NCBP3: variants seen among roughly 807,000 people sequenced by gnomAD.
NCBP3 encodes nuclear cap binding subunit 3.
Under a neutral mutation model 75.7 loss-of-function variants are expected in NCBP3, and 20 were observed. The observed-to-expected ratio is 0.26, with a 90% CI of 0.19 to 0.38. NCBP3 has a LOEUF of 0.38. Ranked by LOEUF, NCBP3 falls within the 10% of genes least tolerant of loss-of-function variation. The pLI is 1.00. For synonymous variants in NCBP3, 293 were observed against 290.5 expected (o/e 1.01, Z -0.09); for missense variants, 678 against 796.9 (o/e 0.85, Z 1.80).
At position 3,824,999 on chromosome 17, in the gene NCBP3, G is replaced by T; in HGVS notation, c.739C>A (p.Arg247Ser). 6.5e-7 allele frequency: 1 copy of T among 1,546,138 alleles called. No individual in the cohort carries two copies. The change falls in exon 7 of 13, where the codon CGT (arginine) becomes AGT (serine). Residue 247 changes from arginine to serine, a missense_variant. Arg to Ser is a moderately radical substitution (Grantham distance 110). Coordinates refer to ENST00000389005, the MANE Select transcript of NCBP3 (RefSeq NM_001114118.3). ...EEESLLRNDL[R>S]PANKLAKGNR... ...CCTTTAGCAAGTTTGTTAGCTGGAC[G>T]AAGATCGTTTCTTAACAAAGACTCC... is the stretch of plus-strand genomic sequence containing the variant.
chr17:3,828,816 A>G (rs2143681210), intron 4 of NCBP3, among the ~76,000 whole-genome samples: 1 of 152,262 alleles, frequency 6.6e-6, no homozygotes, highest in South Asian at 2.1e-4. Context: ...ATTCTGGTCT[A>G]TCTCTAGGTC....
rs565291548 is a variant in NCBP3, at chr17:3,842,406, C to T, written c.249+680G>A. ...CACCACTGCACTCCAGCCTGGGCAA[C>T]GGAGCGAGACTCCACCTAAATATGG... is the stretch of plus-strand genomic sequence containing the variant. On this transcript the variant is annotated intron_variant, in intron 2 of 12. Transcript: ENST00000389005. Among the ~76,000 whole-genome samples the T allele has an allele frequency of 7.9e-5, 12 of 152,264 alleles. No individual in the cohort carries two copies. In the South Asian group the frequency reaches 1.2e-3, roughly 16 times the overall value.
chr17:3,822,594 C>T (rs940896701), intron 7 of NCBP3: 2 of 152,218 alleles, frequency 1.3e-5, no homozygotes, highest in African/African-American at 4.8e-5. Flanking sequence ...TACTCAGCCA[C>T]TCAAATGAGT....
chr17:3,826,041 AAAG>A, intron 5 of NCBP3, 43 bp downstream of exon 5: 1 of 1,535,270 alleles, frequency 6.5e-7, no homozygotes, highest in Non-Finnish European at 8.8e-7. Context: ...AGGACTGTGT[AAAG>A]AAGAGGACTT....
chr17:3,818,715 T>C lies in NCBP3; in HGVS notation c.1001-143A>G. 1.1e-6 allele frequency: 1 copy of C among 875,612 alleles called. No individual in the cohort carries two copies. Among genetic ancestry groups the C allele is most frequent in the South Asian group, 1.7e-5 (1 of 57,998 alleles). The allele number at this position is 875,612 out of a possible 1,614,324, so 54.2% of individuals were successfully genotyped here. A position where few individuals can be genotyped will look rare whatever the true frequency, so the allele number is the denominator to read the frequency against. On this transcript the variant is annotated intron_variant, in intron 9 of 12. Coordinates refer to ENST00000389005, the MANE Select transcript of NCBP3 (RefSeq NM_001114118.3). This position sits in a 1 kb window ranked among gnomAD's most constrained non-coding sequence, Gnocchi z 4.7. ...GAGCACTATCTATAATAGTGCCAAATGGACATTACTCTGATACTGCAACAG... is the reference window on the plus strand; with the variant it reads ...GAGCACTATCTATAATAGTGCCAAACGGACATTACTCTGATACTGCAACAG...
chr17:3,841,624 G>A (rs572054321), intron 2 of NCBP3, among the ~76,000 whole-genome samples: 44 of 116,554 alleles, frequency 3.8e-4, no homozygotes, highest in South Asian at 2.5e-3. Context: ...TTTTTTTTGC[G>A]GGGATGGGGG....
rs528311149 is a variant in NCBP3, at chr17:3,803,072, G to A, written c.*9972C>T. 1.3e-5 allele frequency: 2 copies of A among 152,358 alleles called. No individual in the cohort carries two copies. Among genetic ancestry groups the A allele is most frequent in the African/African-American group, 4.8e-5 (2 of 41,562 alleles). 9.4% of individuals were successfully genotyped at this position (152,358 alleles called of 1,614,324 possible). A position where few individuals can be genotyped will look rare whatever the true frequency, so the allele number is the denominator to read the frequency against. On this transcript the variant is annotated 3_prime_UTR_variant, in exon 13 of 13. Coordinates refer to ENST00000389005, the MANE Select transcript of NCBP3 (RefSeq NM_001114118.3). Reference sequence around the variant, plus strand: ...ACCCAAACTACATCCCCAAGGTCAGGGCCAGGCTCTGTTGAGTAATGCTCC... The same window carrying A: ...ACCCAAACTACATCCCCAAGGTCAGAGCCAGGCTCTGTTGAGTAATGCTCC...
At chr17:3,821,410 C>T in intron 8 of NCBP3, 58 bp from the exon 9 acceptor site, 2 of 1,345,842 alleles carry the variant, frequency 1.5e-6, no homozygotes, top group Non-Finnish European at 2.1e-6. Flanking sequence ...ACCTTGAAAT[C>T]CACTATTTCT....
chr17:3,822,857 T>C (rs1271704808), intron 7 of NCBP3: 2 of 152,032 alleles, frequency 1.3e-5, no homozygotes, highest in Non-Finnish European at 2.9e-5. Flanking sequence ...CTTGGAGAAA[T>C]GGCTGATTCC....
chr17:3,816,185 C>T lies in NCBP3; in HGVS notation c.1396G>A (p.Val466Ile). ...NKLPPEKFAD[V>I]RHLLDEKRQH... is the part of the protein sequence containing the mutation. ...CGTTTCTCATCTAATAGATGTCGGACATCTGCAAATTTCTCAGGTGGTAAT... is the reference window on the plus strand; with the variant it reads ...CGTTTCTCATCTAATAGATGTCGGATATCTGCAAATTTCTCAGGTGGTAAT... Residue 466 changes from valine (V) to isoleucine (I), a missense_variant, in exon 11 of 13, where the codon GTC becomes ATC. Val to Ile is a conservative substitution (Grantham distance 29). Coordinates refer to ENST00000389005, the MANE Select transcript of NCBP3 (RefSeq NM_001114118.3). 1 of 1,614,150 alleles carries T rather than the reference C, an allele frequency of 6.2e-7. No individual in the cohort carries two copies. Among genetic ancestry groups the T allele is most frequent in the Non-Finnish European group, 8.5e-7 (1 of 1,180,024 alleles).
intron 3 of NCBP3, among the ~76,000 whole-genome samples, chr17:3,837,026 T>C (rs1444762023): frequency 6.6e-6 from 1 of 151,736 alleles, no homozygotes; most frequent in Admixed American, 6.6e-5. Flanking sequence ...TGTGCGTCTG[T>C]AGTCCCAGCT....
Position 3,821,300 on chromosome 17 carries a change from C to T in NCBP3, c.949G>A (p.Ala317Thr). 6.2e-7 allele frequency: 1 copy of T among 1,614,136 alleles called. No homozygotes were observed. The highest frequency in any genetic ancestry group is 8.5e-7 in the Non-Finnish European group (1 of 1,179,978). Residue 317 changes from alanine (A) to threonine (T), a missense_variant, in exon 9 of 13, where the codon GCC (alanine) becomes ACC (threonine). Physicochemically the swap from Ala to Thr is moderately conservative, Grantham distance 58. This residue lies in a region of NCBP3 where 38 missense variants were observed against 78.9 expected (regional missense o/e 0.48). Coordinates refer to ENST00000389005, the MANE Select transcript of NCBP3 (RefSeq NM_001114118.3). ...AAGCCAACGTCATCCCCAATCAGGG[C>T]TCTCTTCTTGATCACGTCCCGCTGA... The part of the protein sequence containing the change: ...RIQRDVIKKR[A>T]LIGDDVGLTS...
intron 11 of NCBP3, 117 bp from the exon 12 acceptor site, chr17:3,814,600 A>C: frequency 9.7e-7 from 1 of 1,026,670 alleles, no homozygotes. Context: ...ACAGGGCCTG[A>C]CAATCAGGCT....
Position 3,818,146 on chromosome 17 carries a change from C to T in NCBP3, c.1310+117G>A. 4 of 885,632 alleles carry T rather than the reference C, an allele frequency of 4.5e-6. No individual in the cohort carries two copies. In the East Asian group the frequency reaches 1.1e-4, roughly 25 times the overall value. The allele number at this position is 885,632 out of a possible 1,614,324, so 54.9% of individuals were successfully genotyped here. ...AATACTGGATGCGTTTATTAAACTC[C>T]TACAAGGGACTGAAATCAGAATAGA... On this transcript the variant is annotated intron_variant, in intron 10 of 12. Coordinates refer to ENST00000389005, the MANE Select transcript of NCBP3 (RefSeq NM_001114118.3). This position sits in a 1 kb window ranked among gnomAD's most constrained non-coding sequence, Gnocchi z 4.7.
chr17:3,818,576 A>T lies in NCBP3; in HGVS notation c.1001-4T>A. 1 of 1,591,472 alleles carries T rather than the reference A, an allele frequency of 6.3e-7. No individual in the cohort carries two copies. The highest frequency in any genetic ancestry group is 8.5e-7 in the Non-Finnish European group (1 of 1,172,948). ...TCCTCGGGAACATTCACTAGCCCTG[A>T]AGAAATTTAACCAGAAAACATTAGG... On this transcript the variant is annotated splice_region_variant and splice_polypyrimidine_tract_variant and intron_variant, in intron 9 of 12. Coordinates refer to ENST00000389005, the MANE Select transcript of NCBP3 (RefSeq NM_001114118.3). This position sits in a 1 kb window ranked among gnomAD's most constrained non-coding sequence, Gnocchi z 4.7.
At chr17:3,823,230 G>A (rs1206805587) in intron 7 of NCBP3, among the ~76,000 whole-genome samples, 2 of 152,162 alleles carry the variant, frequency 1.3e-5, no homozygotes, top group Admixed American at 1.3e-4. Flanking sequence ...AGAATTGCTT[G>A]AACCCAGGAG....
chr17:3,821,343 T>C lies in NCBP3; in HGVS notation c.906A>G (p.Arg302=), dbSNP rs778195059. Residue 302 remains arginine, a synonymous_variant, in exon 9 of 13, where the codon AGA becomes AGG. Coordinates refer to ENST00000389005, the MANE Select transcript of NCBP3 (RefSeq NM_001114118.3). ...KGILSNSWKR[R]YHSRRIQRDV... ...CCCGCTGAATACGACGGGAATGATA[T>C]CTTCGCTTCCTGCAAGAATGCCAAA... 15 of 1,613,652 alleles carry C rather than the reference T, an allele frequency of 9.3e-6. No individual in the cohort carries two copies. The highest frequency in any genetic ancestry group is 1.1e-5 in the Non-Finnish European group (13 of 1,179,736).
chr17:3,831,315 T>C (rs941232059), intron 3 of NCBP3, among the ~76,000 whole-genome samples: 2 of 151,850 alleles, frequency 1.3e-5, no homozygotes, highest in African/African-American at 4.8e-5. Context: ...CGCTCAAGCC[T>C]GTAATCCCAG....
chr17:3,826,008 T>G, intron 5 of NCBP3, 79 bp downstream of exon 5: 2 of 1,489,832 alleles, frequency 1.3e-6, no homozygotes, highest in Non-Finnish European at 1.8e-6. Flanking sequence ...GATGAGATGC[T>G]ATATAGAGCT....
Sources: allele counts gnomAD v4.1 joint callset (sites outside exome capture counted in the v4.1 genomes callset), GRCh38; gene constraint gnomAD v4.1.1; regional missense constraint gnomAD v4.1.1; non-coding constraint Gnocchi (gnomAD v3.1); transcripts MANE v1.5; gene names NCBI Gene and HGNC (gene_info 2026-07-23, HGNC 2026-07-21).